ANO4: variants seen among roughly 807,000 people sequenced by gnomAD.
ANO4 encodes anoctamin-4.
Under a neutral mutation model 141.9 loss-of-function variants are expected in ANO4, and 69 were observed. The observed-to-expected ratio is 0.49, with a 90% CI of 0.40 to 0.59. The LOEUF is 0.59. ANO4 is among the 20% of genes least tolerant of loss of function. The pLI is 0.00. For synonymous variants in ANO4, 350 were observed against 394.3 expected (o/e 0.89, Z 1.33); for missense variants, 894 against 1,162.2 (o/e 0.77, Z 3.36).
intron 2 of ANO4, among the ~76,000 whole-genome samples, chr12:100,735,097 A>G (rs2031548466): frequency 6.6e-6 from 1 of 151,996 alleles, no homozygotes; most frequent in African/African-American, 2.4e-5. Context: ...TCTGAGTTCA[A>G]CCCCCTGTGA....
At chr12:101,091,907 A>G (rs1169965655) in intron 17 of ANO4, among the ~76,000 whole-genome samples, 1 of 152,128 alleles carries the variant, frequency 6.6e-6, no homozygotes, top group African/African-American at 2.4e-5. Context: ...TCCTAATGAA[A>G]TATTATGCCT....
At chr12:100,891,273 CT>C (rs1243707259) in intron 1 of ANO4, among the ~76,000 whole-genome samples, 14 of 152,342 alleles carry the variant, frequency 9.2e-5, no homozygotes, top group African/African-American at 2.6e-4. Flanking sequence ...AATAAAACTG[CT>C]GTAAACATTC....
At chr12:100,938,357 C>G (rs577874817) in intron 3 of ANO4, among the ~76,000 whole-genome samples, 4 of 152,238 alleles carry the variant, frequency 2.6e-5, no homozygotes, top group Non-Finnish European at 5.9e-5. Flanking sequence ...CTATGCCTGA[C>G]ACACAATGTG....
At chr12:100,753,898 C>G (rs1344038022) in intron 3 of ANO4, among the ~76,000 whole-genome samples, 1 of 152,216 alleles carries the variant, frequency 6.6e-6, no homozygotes, top group Non-Finnish European at 1.5e-5. Flanking sequence ...CCTGTCCAAG[C>G]CACTTCTGTG....
At chr12:100,798,229 A>G (rs1023836450) in intron 1 of ANO4, among the ~76,000 whole-genome samples, 1 of 152,212 alleles carries the variant, frequency 6.6e-6, no homozygotes. Context: ...TGAATGAACC[A>G]TATCATTAGA....
chr12:100,955,975 C>A (rs1053619907), intron 5 of ANO4, among the ~76,000 whole-genome samples: 8 of 152,198 alleles, frequency 5.3e-5, no homozygotes, highest in Non-Finnish European at 7.3e-5. Context: ...TCCACAGTGC[C>A]TGGCTCATCA....
intron 5 of ANO4, among the ~76,000 whole-genome samples, chr12:100,970,738 G>A (rs999618436): frequency 8.1e-5 from 9 of 110,920 alleles, no homozygotes; most frequent in Non-Finnish European, 1.6e-4. Flanking sequence ...TCTTTCTTTC[G>A]ACAGAGACTC....
intron 1 of ANO4, among the ~76,000 whole-genome samples, chr12:100,838,293 A>G (rs1016024391): frequency 4.0e-5 from 6 of 151,286 alleles, no homozygotes; most frequent in Non-Finnish European, 5.9e-5. Flanking sequence ...GACTGTAAAG[A>G]GCATGGACTA....
At chr12:100,969,723 C>G (rs937681855) in intron 5 of ANO4, among the ~76,000 whole-genome samples, 5 of 152,120 alleles carry the variant, frequency 3.3e-5, no homozygotes, top group Admixed American at 3.3e-4. Context: ...TTATACAATA[C>G]TAGTATAAGG....
intron 3 of ANO4, among the ~76,000 whole-genome samples, chr12:100,775,527 C>T (rs1008758053): frequency 2.0e-5 from 3 of 152,170 alleles, no homozygotes; most frequent in South Asian, 2.1e-4. Context: ...CCTACATCTA[C>T]GCTTTATAAT....
At chr12:101,068,970 T>C (rs1486193822) in intron 14 of ANO4, 2 of 785,716 alleles carry the variant, frequency 2.5e-6, no homozygotes, top group African/African-American at 3.4e-5. Flanking sequence ...AAGCCCTCAT[T>C]GACTATGAAA....
intron 11 of ANO4, 90 bp downstream of exon 11, chr12:101,040,166 G>A (rs954417553): frequency 1.4e-6 from 2 of 1,471,716 alleles, no homozygotes; most frequent in African/African-American, 2.8e-5. Context: ...GAAGCAAAAA[G>A]AGCCTGAAGT....
At chr12:100,770,359 T>C (rs2033245418) in intron 3 of ANO4, among the ~76,000 whole-genome samples, 1 of 152,214 alleles carries the variant, frequency 6.6e-6, no homozygotes, top group African/African-American at 2.4e-5. Context: ...GTTTGAAAAT[T>C]ACTGGCCTAA....
At chr12:100,832,419 A>G (rs1466424974) in intron 1 of ANO4, among the ~76,000 whole-genome samples, 3 of 152,078 alleles carry the variant, frequency 2.0e-5, no homozygotes, top group Admixed American at 6.6e-5. Flanking sequence ...GTGAAAATGC[A>G]TGTTAAAGAG....
At position 100,774,017 on chromosome 12, in the gene ANO4, G is replaced by A. The variant is rs569643526; in HGVS notation, c.358+33912G>A. On this transcript the variant is annotated intron_variant, in intron 3 of 29. Transcript: ENST00000644049. ...GCTACTTTCATGCTACAATGGCAGA[G>A]TTGAGTAGTTGCATCAGAGGTCAAA... 2.6e-5 allele frequency among the ~76,000 whole-genome samples: 4 copies of A among 152,292 alleles called. No individual in the cohort carries two copies. In the South Asian group the frequency reaches 8.3e-4, roughly 32 times the overall value.
chr12:100,979,996 T>C (rs979907052), intron 7 of ANO4, among the ~76,000 whole-genome samples: 1 of 151,312 alleles, frequency 6.6e-6, no homozygotes, highest in Admixed American at 6.6e-5. Context: ...CACCTTGGCC[T>C]CCCAAAGTGC....
intron 1 of ANO4, among the ~76,000 whole-genome samples, chr12:100,724,030 A>G (rs981275471): frequency 6.9e-4 from 102 of 147,212 alleles, no homozygotes; most frequent in Non-Finnish European, 1.0e-3. Context: ...ACAAAAAACA[A>G]AAAAACAAAA....
chr12:100,941,229 A>G (rs1219614151), intron 4 of ANO4, among the ~76,000 whole-genome samples: 8 of 151,556 alleles, frequency 5.3e-5, no homozygotes, highest in East Asian at 1.9e-4. Flanking sequence ...AAAAAAAAAG[A>G]GAAACACTGA....
chr12:100,825,817 G>A (rs1014631210), intron 1 of ANO4, among the ~76,000 whole-genome samples: 2 of 151,850 alleles, frequency 1.3e-5, no homozygotes, highest in African/African-American at 4.8e-5. Flanking sequence ...TGTGATTTTG[G>A]GTTTTCAATT....
Sources: gnomAD v4.1 joint callset for allele counts (sites outside exome capture counted in the v4.1 genomes callset) on GRCh38, gnomAD v4.1.1 for gene constraint, MANE v1.5 for transcripts, NCBI Gene and HGNC (gene_info 2026-07-23, HGNC 2026-07-21) for gene names.